Variants in TENM3 observed in about 807,000 individuals in gnomAD.
TENM3 encodes the protein teneurin transmembrane protein 3, also known as teneurin-3.
In TENM3, 63 loss-of-function variants were observed where a neutral mutation model predicts 255.1. That is an observed-to-expected ratio of 0.25 (90% CI 0.20 to 0.30). The LOEUF (loss-of-function observed/expected upper bound fraction) is 0.30, where lower values mean the gene tolerates loss of function less well. Ranked by LOEUF, TENM3 falls within the 10% of genes least tolerant of loss-of-function variation. The pLI is 1.00. For missense variants in TENM3, 2,929 were observed against 3,461.1 expected (o/e 0.85, Z 3.86); for synonymous variants, 1,306 against 1,322.3 (o/e 0.99, Z 0.27).
intron 1 of TENM3, among the ~76,000 whole-genome samples, chr4:182,219,008 A>T (rs1755689833): frequency 6.6e-6 from 1 of 152,228 alleles, no homozygotes; most frequent in Non-Finnish European, 1.5e-5. Flanking sequence ...GGATCACCTG[A>T]GGTCAGGAGC....
At chr4:181,573,433 A>C in the TENM3 span, among the ~76,000 whole-genome samples, 2 of 152,070 alleles carry the variant, frequency 1.3e-5, no homozygotes, top group Non-Finnish European at 2.9e-5. Context: ...TTTTTAAAGA[A>C]ATATGAATCT....
At chr4:182,677,799 A>C (rs1392318792) in intron 7 of TENM3, among the ~76,000 whole-genome samples, 1 of 152,206 alleles carries the variant, frequency 6.6e-6, no homozygotes, top group Non-Finnish European at 1.5e-5. Context: ...TTAGTAAGTC[A>C]GAAACTGAAT....
intron 22 of TENM3, among the ~76,000 whole-genome samples, chr4:182,758,227 A>AT (rs34745119): frequency 0.027 from 4,060 of 152,072 alleles, 192 homozygotes; most frequent in African/African-American, 0.093. Context: ...ACAAATGATC[A>AT]TTTTTTTTCT....
chr4:182,589,385 C>G (rs777650582), intron 3 of TENM3, among the ~76,000 whole-genome samples: 12 of 151,166 alleles, frequency 7.9e-5, no homozygotes, highest in Non-Finnish European at 1.3e-4. Context: ...TATGTACAGA[C>G]ATTCTACTTT....
chr4:181,684,190 T>C, the TENM3 span, among the ~76,000 whole-genome samples: 1 of 152,152 alleles, frequency 6.6e-6, no homozygotes, highest in African/African-American at 2.4e-5. Flanking sequence ...TTGATTCCGG[T>C]TCCTATGCAG....
At chr4:181,456,863 A>G in the TENM3 span, among the ~76,000 whole-genome samples, 19,671 of 117,652 alleles carry the variant, frequency 0.17, 1,434 homozygotes, top group African/African-American at 0.24. Context: ...TTCTCTGAAT[A>G]AATACAAAAT....
chr4:182,226,329 C>A (rs1434559250), intron 1 of TENM3, among the ~76,000 whole-genome samples: 1 of 152,014 alleles, frequency 6.6e-6, no homozygotes, highest in East Asian at 1.9e-4. Flanking sequence ...AGACAGGAGT[C>A]CAAGGGCAAG....
At chr4:182,261,149 C>T (rs1009337965) in intron 1 of TENM3, among the ~76,000 whole-genome samples, 2 of 152,234 alleles carry the variant, frequency 1.3e-5, no homozygotes, top group Admixed American at 6.5e-5. Flanking sequence ...GCTGGAATTA[C>T]AGGCGTGAGC....
the TENM3 span, among the ~76,000 whole-genome samples, chr4:181,885,336 C>T: frequency 6.6e-6 from 1 of 152,194 alleles, no homozygotes; most frequent in South Asian, 2.1e-4. Context: ...GATGTCGGCT[C>T]ACTGCAACCT....
the TENM3 span, among the ~76,000 whole-genome samples, chr4:182,067,298 C>T: frequency 6.6e-6 from 1 of 152,068 alleles, no homozygotes. Context: ...CTCAGACGAA[C>T]GGAGTGTTCA....
the TENM3 span, among the ~76,000 whole-genome samples, chr4:181,985,870 G>A: frequency 2.0e-5 from 3 of 152,062 alleles, no homozygotes; most frequent in African/African-American, 7.2e-5. Context: ...GGCACTTCTA[G>A]TTAAGGTTTC....
At chr4:182,484,883 T>G (rs1358657334) in intron 3 of TENM3, among the ~76,000 whole-genome samples, 2 of 152,184 alleles carry the variant, frequency 1.3e-5, no homozygotes, top group Non-Finnish European at 2.9e-5. Context: ...AATATTATCA[T>G]TTAATATACA....
chr4:181,854,865 A>AG, the TENM3 span, among the ~76,000 whole-genome samples: 1 of 152,208 alleles, frequency 6.6e-6, no homozygotes, highest in Non-Finnish European at 1.5e-5. Flanking sequence ...CCGCCTTCTC[A>AG]GATTAATAAT....
rs769144493 is a variant in TENM3, at chr4:182,737,073, T to C, written c.3233T>C (p.Val1078Ala). The change falls in exon 17 of 28, where the codon GTT (valine) becomes GCT (alanine). Residue 1078 changes from valine (V) to alanine (A), a missense_variant and splice_region_variant. Val to Ala is a moderately conservative substitution (Grantham distance 64, BLOSUM62 0). Around this residue, in one of 6 missense-constraint regions of TENM3, gnomAD observed 1,608 missense variants for 1,884.4 expected, o/e 0.85. Coordinates refer to ENST00000511685, the MANE Select transcript of TENM3 (RefSeq NM_001080477.4). ...NQKVYGLSEA[V>A]VSVGYEYESC... The stretch of plus-strand genomic sequence containing the variant: ...AAAGTCTATGGTCTATCTGAAGCTG[T>C]TGGTAAGTTCCATATAAATCTTTGC... The C allele has an allele frequency of 3.1e-6, 5 of 1,611,946 alleles. No individual in the cohort carries two copies. The South Asian group carries it at 3.3e-5, about 11-fold the overall frequency.
At chr4:182,596,472 C>T (rs1253051309) in intron 3 of TENM3, among the ~76,000 whole-genome samples, 1 of 149,382 alleles carries the variant, frequency 6.7e-6, no homozygotes, top group East Asian at 1.9e-4. Flanking sequence ...AATAAGGTGA[C>T]TCCGAAGAAA....
At chr4:181,618,685 C>T in the TENM3 span, among the ~76,000 whole-genome samples, 1 of 152,196 alleles carries the variant, frequency 6.6e-6, no homozygotes, top group African/African-American at 2.4e-5. Context: ...ATTTCCTCAT[C>T]TGGAGCGTGT....
At chr4:182,700,457 G>A (rs370239095) in intron 12 of TENM3, among the ~76,000 whole-genome samples, 4 of 152,108 alleles carry the variant, frequency 2.6e-5, no homozygotes, top group East Asian at 1.9e-4. Context: ...CTGTCCATAC[G>A]GAAGCACAGC....
intron 20 of TENM3, 29 bp downstream of exon 20, chr4:182,752,061 C>CT: frequency 1.0e-6 from 1 of 970,804 alleles, no homozygotes; most frequent in Non-Finnish European, 1.4e-6. Context: ...TTGAGGATTT[C>CT]TTTTTATTTA....
At chr4:181,964,106 G>A in the TENM3 span, among the ~76,000 whole-genome samples, 31 of 147,214 alleles carry the variant, frequency 2.1e-4, no homozygotes, top group African/African-American at 5.4e-4. Flanking sequence ...AAAAGTCCCC[G>A]GGGATTAAGG....
Sources: gnomAD v4.1 joint callset for allele counts (sites outside exome capture counted in the v4.1 genomes callset) on GRCh38, gnomAD v4.1.1 for gene constraint, gnomAD v4.1.1 regional missense constraint, MANE v1.5 for transcripts, NCBI Gene and HGNC (gene_info 2026-07-23, HGNC 2026-07-21) for gene names.